CFAP47: variants seen among roughly 807,000 people sequenced by gnomAD.
CFAP47 encodes cilia and flagella associated protein 47.
A neutral mutation model predicts 148.1 loss-of-function variants in CFAP47; 29 were observed. That is an observed-to-expected ratio of 0.20 (90% confidence interval 0.15 to 0.27). CFAP47 has a LOEUF of 0.27. Among genes scored for constraint, CFAP47 ranks in the 10% least tolerant of loss-of-function variants. The probability of loss-of-function intolerance (pLI) is 1.00; values close to 1 mark genes in which losing one functional copy is unlikely to be tolerated. For synonymous variants in CFAP47, 664 were observed against 577.3 expected (o/e 1.15, Z -2.15); for missense variants, 1,872 against 1,697.5 (o/e 1.10, Z -1.81).
At chrX:36,227,979 T>C (rs967524343) in intron 45 of CFAP47, among the ~76,000 whole-genome samples, 1 of 111,861 alleles carries the variant, frequency 8.9e-6, no homozygotes, top group Admixed American at 9.6e-5. Flanking sequence ...AATTAGCTAG[T>C]AGCTTAAGGT....
intron 21 of CFAP47, among the ~76,000 whole-genome samples, chrX:36,007,163 T>C (rs1257878694): frequency 8.9e-6 from 1 of 112,361 alleles, no homozygotes; most frequent in Non-Finnish European, 1.9e-5. Context: ...AGTTTTTGAA[T>C]GTGAGGGAGA....
At chrX:36,337,289 G>A (rs1470678375) in intron 57 of CFAP47, among the ~76,000 whole-genome samples, 1 of 112,193 alleles carries the variant, frequency 8.9e-6, no homozygotes, top group East Asian at 2.8e-4. Flanking sequence ...TTTATTAAAT[G>A]GAACACAAAG....
chrX:36,022,635 T>A (rs1304556507), intron 22 of CFAP47, among the ~76,000 whole-genome samples: 1 of 111,394 alleles, frequency 9.0e-6, no homozygotes, highest in African/African-American at 3.3e-5. Flanking sequence ...ATTTTCCAGA[T>A]CCTGTAAGCA....
At chrX:36,225,638 TA>T (rs1940261793) in intron 45 of CFAP47, among the ~76,000 whole-genome samples, 2 of 111,480 alleles carry the variant, frequency 1.8e-5, no homozygotes, top group Non-Finnish European at 3.8e-5. Flanking sequence ...ATCAAGGAAC[TA>T]TGGATTGTGA....
intron 49 of CFAP47, among the ~76,000 whole-genome samples, chrX:36,276,054 G>GTA (rs1450902272): frequency 4.8e-4 from 52 of 107,620 alleles, no homozygotes; most frequent in South Asian, 1.2e-3. Flanking sequence ...ATTTATATAT[G>GTA]TATATATATA....
At chrX:36,315,622 C>A (rs1941427362) in intron 56 of CFAP47, among the ~76,000 whole-genome samples, 1 of 112,133 alleles carries the variant, frequency 8.9e-6, no homozygotes, top group African/African-American at 3.2e-5. Flanking sequence ...CATTGTCCAG[C>A]TACCAACACC....
intron 49 of CFAP47, 84 bp downstream of exon 49, chrX:36,251,528 G>A (rs1940692711): frequency 5.3e-6 from 2 of 379,250 alleles, no homozygotes; most frequent in South Asian, 1.0e-4. Context: ...AATGCAATTT[G>A]TATTTCCACT....
At chrX:35,971,466 G>A (rs1205558800) in intron 11 of CFAP47, 120 bp from the exon 12 acceptor site, 1 of 446,713 alleles carries the variant, frequency 2.2e-6, no homozygotes. Flanking sequence ...CACCAGTCTG[G>A]TTAAGTGGAT....
chrX:36,030,487 G>C (rs1189056199), intron 22 of CFAP47, among the ~76,000 whole-genome samples: 2 of 110,524 alleles, frequency 1.8e-5, no homozygotes, highest in Non-Finnish European at 3.8e-5. Flanking sequence ...ACAGGTTTTG[G>C]GAGTAACACA....
intron 57 of CFAP47, among the ~76,000 whole-genome samples, chrX:36,338,630 G>C (rs1941627971): frequency 9.0e-6 from 1 of 111,436 alleles, no homozygotes; most frequent in Non-Finnish European, 1.9e-5. Flanking sequence ...CTCCTTTGCT[G>C]TTCCTGCCCC....
intron 49 of CFAP47, among the ~76,000 whole-genome samples, chrX:36,259,793 G>A (rs1419033643): frequency 1.8e-5 from 2 of 110,974 alleles, no homozygotes; most frequent in South Asian, 3.8e-4. Context: ...GGCTTGGTGT[G>A]CAAATGACTT....
rs186736697 is a variant in CFAP47, at chrX:36,169,010, T to A, written c.6026+8241T>A. Among the ~76,000 whole-genome samples the A allele has an allele frequency of 5.2e-3, 579 of 111,899 alleles. 1 individual carries two copies. The highest frequency in any genetic ancestry group is 9.1e-3 in the Non-Finnish European group (485 of 53,162). The stretch of plus-strand genomic sequence containing the variant: ...GTTTTTTTGTTTTCTTCTCTTTTTT[T>A]AAAAATTTTTTTGAAGGAGAGTTTT... On this transcript the variant is annotated intron_variant, in intron 39 of 63. Transcript: ENST00000378653.
chrX:36,242,891 G>A (rs1404597208), intron 48 of CFAP47, among the ~76,000 whole-genome samples: 1 of 111,213 alleles, frequency 9.0e-6, no homozygotes, highest in Non-Finnish European at 1.9e-5. Context: ...CATTCACCAA[G>A]GTCAATGTGA....
intron 37 of CFAP47, among the ~76,000 whole-genome samples, chrX:36,152,705 T>G (rs1028623883): frequency 4.5e-5 from 5 of 111,837 alleles, no homozygotes; most frequent in African/African-American, 1.6e-4. Context: ...ATTGCTCCAT[T>G]GTGTTACTTC....
intron 30 of CFAP47, among the ~76,000 whole-genome samples, chrX:36,096,569 AATTGAC>A (rs2146788510): frequency 9.0e-6 from 1 of 111,304 alleles, no homozygotes; most frequent in Non-Finnish European, 1.9e-5. Context: ...CCTCTTGCTT[AATTGAC>A]CCTTTTATCA....
chrX:36,071,681 T>A (rs977468336), intron 27 of CFAP47, 144 bp from the exon 28 acceptor site: 3 of 357,404 alleles, frequency 8.4e-6, no homozygotes, highest in East Asian at 1.1e-4. Flanking sequence ...GTGTTTAGAC[T>A]TTTTTTTTAC....
chrX:36,367,587 A>G (rs368085228), intron 62 of CFAP47, among the ~76,000 whole-genome samples: 3 of 112,296 alleles, frequency 2.7e-5, no homozygotes, highest in East Asian at 2.8e-4. Flanking sequence ...CACATGTAAA[A>G]TATACTTTTA....
At position 35,971,944 on chromosome X, in the gene CFAP47, C is replaced by G. The variant is rs1230029890; in HGVS notation, c.2233C>G (p.Gln745Glu). 7 of 1,175,391 alleles carry G rather than the reference C, an allele frequency of 6.0e-6. No homozygotes were observed. Among genetic ancestry groups the G allele is most frequent in the African/African-American group, 1.8e-5 (1 of 56,527 alleles). Residue 745 changes from glutamine (Q) to glutamate (E), a missense_variant, in exon 13 of 64, where the codon CAA (glutamine) becomes GAA (glutamate). Gln to Glu is a conservative substitution (Grantham distance 29, BLOSUM62 2). Transcript: ENST00000378653. ...HDCSLMLTPK[Q>E]IHQVIVGPSV... is the part of the protein sequence containing the mutation. Reference sequence around the variant, plus strand: ...TTGCAGCTTAATGTTGACACCAAAGCAAATTCATCAAGTAATTGTTGGTGA... The same window carrying G: ...TTGCAGCTTAATGTTGACACCAAAGGAAATTCATCAAGTAATTGTTGGTGA...
chrX:35,985,154 A>T (rs1353095715), intron 15 of CFAP47, among the ~76,000 whole-genome samples: 1 of 111,272 alleles, frequency 9.0e-6, no homozygotes, highest in Non-Finnish European at 1.9e-5. Context: ...GGCTTATCTC[A>T]GCACTCCTGG....
Sources: allele counts gnomAD v4.1 joint callset (sites outside exome capture counted in the v4.1 genomes callset), GRCh38; gene constraint gnomAD v4.1.1; transcripts MANE v1.5; gene names NCBI Gene and HGNC (gene_info 2026-07-23, HGNC 2026-07-21).